SMIM45: variants seen among roughly 807,000 people sequenced by gnomAD.
SMIM45 encodes long intergenic non-protein coding RNA 634.
the SMIM45 span, among the ~76,000 whole-genome samples, chr22:41,947,989 A>G: frequency 6.6e-6 from 1 of 152,016 alleles, no homozygotes; most frequent in Non-Finnish European, 1.5e-5. Flanking sequence ...CCAATGGGAG[A>G]CTTTACCTCA....
chr22:41,951,596 AG>A, the SMIM45 span, among the ~76,000 whole-genome samples: 1 of 152,160 alleles, frequency 6.6e-6, no homozygotes, highest in Non-Finnish European at 1.5e-5. Context: ...GCCATTTGCA[AG>A]GGTCCTGAAA....
At chr22:41,954,762 C>T in the SMIM45 span, among the ~76,000 whole-genome samples, 8 of 151,922 alleles carry the variant, frequency 5.3e-5, no homozygotes, top group African/African-American at 1.7e-4. Flanking sequence ...AATCCCAGCA[C>T]TTTGGGAGTC....
the SMIM45 span, among the ~76,000 whole-genome samples, chr22:41,953,165 C>CT: frequency 2.6e-5 from 4 of 152,222 alleles, no homozygotes; most frequent in Admixed American, 1.3e-4. Context: ...CAGTGAGGAC[C>CT]TTTGGGGTAG....
chr22:41,957,710 G>C, the SMIM45 span: 1 of 153,286 alleles, frequency 6.5e-6, no homozygotes, highest in African/African-American at 2.4e-5. Flanking sequence ...GGACTGGTTC[G>C]TGCCGGTCTA....
At chr22:41,954,901 C>T in the SMIM45 span, among the ~76,000 whole-genome samples, 1 of 152,040 alleles carries the variant, frequency 6.6e-6, no homozygotes, top group Non-Finnish European at 1.5e-5. Flanking sequence ...CAGCTACTCA[C>T]AAGGGAGGCT....
chr22:41,949,830 G>A, the SMIM45 span, among the ~76,000 whole-genome samples: 4 of 152,188 alleles, frequency 2.6e-5, no homozygotes, highest in Non-Finnish European at 4.4e-5. Context: ...CTTCACCGGG[G>A]CGGTGATCAT....
the SMIM45 span, among the ~76,000 whole-genome samples, chr22:41,953,908 G>A: frequency 0.058 from 8,690 of 149,588 alleles, 339 homozygotes; most frequent in Non-Finnish European, 0.09. Flanking sequence ...CTGCCACCAC[G>A]CCTGGCTAAT....
the SMIM45 span, among the ~76,000 whole-genome samples, chr22:41,954,623 G>A: frequency 2.0e-5 from 3 of 152,206 alleles, no homozygotes; most frequent in Non-Finnish European, 2.9e-5. Flanking sequence ...TGTAGGTGAC[G>A]GACAGGCAGT....
the SMIM45 span, among the ~76,000 whole-genome samples, chr22:41,950,722 G>A: frequency 1.3e-5 from 2 of 151,978 alleles, no homozygotes; most frequent in African/African-American, 2.4e-5. Flanking sequence ...AAGGCCAGGC[G>A]CAGTGGCTCA....
chr22:41,947,738 T>C, the SMIM45 span, among the ~76,000 whole-genome samples: 11 of 147,480 alleles, frequency 7.5e-5, no homozygotes, highest in African/African-American at 2.8e-4. Flanking sequence ...CGATCATAGC[T>C]CACTACAGCT....
the SMIM45 span, chr22:41,958,530 T>G: frequency 5.4e-6 from 2 of 367,732 alleles, no homozygotes; most frequent in African/African-American, 2.5e-5. Context: ...CGGGCAAGCA[T>G]GGGGAGATGA....
the SMIM45 span, chr22:41,947,143 C>A: frequency 2.4e-5 from 36 of 1,529,706 alleles, no homozygotes; most frequent in Admixed American, 7.0e-5. Flanking sequence ...CTGAGTCCAG[C>A]CCCTAGAGCG....
chr22:41,947,254 C>T, the SMIM45 span: 2 of 609,032 alleles, frequency 3.3e-6, no homozygotes, highest in Non-Finnish European at 5.9e-6. Context: ...AGGGGCGTTC[C>T]AGCGCTACCC....
At chr22:41,947,669 CTT>C in the SMIM45 span, among the ~76,000 whole-genome samples, 4 of 125,220 alleles carry the variant, frequency 3.2e-5, no homozygotes, top group Non-Finnish European at 3.4e-5. Flanking sequence ...GTGCCTGGCC[CTT>C]TTTTTTTTTT....
At chr22:41,958,542 A>C in the SMIM45 span, 1 of 357,586 alleles carries the variant, frequency 2.8e-6, no homozygotes, top group Admixed American at 3.5e-5. Flanking sequence ...GGGAGATGAG[A>C]TGTGTATATG....
the SMIM45 span, chr22:41,958,503 A>AGAGAGAGAGT: frequency 2.5e-6 from 1 of 403,878 alleles, no homozygotes; most frequent in African/African-American, 2.1e-5. Flanking sequence ...AGAGAGAGAG[A>AGAGAGAGAGT]GAGAGTCTGG....
chr22:41,957,746 G>T, the SMIM45 span: 1 of 153,630 alleles, frequency 6.5e-6, no homozygotes, highest in Non-Finnish European at 1.5e-5. Context: ...CCTCATTCTG[G>T]TGGGCTTCGG....
the SMIM45 span, among the ~76,000 whole-genome samples, chr22:41,949,849 C>A: frequency 6.6e-6 from 1 of 152,124 alleles, no homozygotes; most frequent in African/African-American, 2.4e-5. Context: ...ATTGGCTGAA[C>A]AGAAAGTAGT....
chr22:41,957,479 G>A, the SMIM45 span, among the ~76,000 whole-genome samples: 1 of 151,984 alleles, frequency 6.6e-6, no homozygotes, highest in Admixed American at 6.5e-5. Flanking sequence ...GGGATTACAG[G>A]CGTGAGCCAC....
Sources: gnomAD v4.1 joint callset for allele counts (sites outside exome capture counted in the v4.1 genomes callset) on GRCh38, gnomAD v4.1.1 for gene constraint, MANE v1.5 for transcripts, NCBI Gene and HGNC (gene_info 2026-07-23, HGNC 2026-07-21) for gene names.